Variants in DLG2 observed in about 807,000 individuals in gnomAD.
The protein encoded by DLG2 is discs large MAGUK scaffold protein 2.
DLG2 carries 45 observed loss-of-function variants against 132.5 expected under a neutral mutation model. That is an observed-to-expected ratio of 0.34 (90% confidence interval 0.27 to 0.44). The LOEUF (loss-of-function observed/expected upper bound fraction) is 0.44, where lower values mean the gene tolerates loss of function less well. Among genes scored for constraint, DLG2 ranks in the 20% least tolerant of loss-of-function variants. The pLI is 1.00. For missense variants in DLG2, 1,045 were observed against 1,196.9 expected (o/e 0.87, Z 1.87); for synonymous variants, 424 against 419.6 (o/e 1.01, Z -0.13).
In DLG2 at chr11:85,237,111, G is replaced by A. The variant is rs150186086; in HGVS notation, c.186+48109C>T. Among the ~76,000 whole-genome samples the A allele has an allele frequency of 1.4e-4, 21 of 152,086 alleles. 1 individual carries two copies. Among genetic ancestry groups the A allele is most frequent in the Middle Eastern group, 3.4e-3 (1 of 294 alleles). ...CTGCCCAGCCAGCACCTGAAAATAC[G>A]CCACTGATTAAGCGAATGTCACCTA... On this transcript the variant is annotated intron_variant, in intron 4 of 27. Coordinates refer to ENST00000376104, the MANE Select transcript of DLG2 (RefSeq NM_001142699.3).
At chr11:84,499,716 G>GTCTCTCTCTGTTTCTC (rs1244912854) in intron 7 of DLG2, among the ~76,000 whole-genome samples, 2 of 151,532 alleles carry the variant, frequency 1.3e-5, no homozygotes, top group Admixed American at 1.3e-4. Context: ...CTCTCTTTCT[G>GTCTCTCTCTGTTTCTC]TCTCTCTCTG....
At chr11:84,238,741 C>T (rs2097190834) in intron 8 of DLG2, among the ~76,000 whole-genome samples, 1 of 151,652 alleles carries the variant, frequency 6.6e-6, no homozygotes, top group African/African-American at 2.4e-5. Flanking sequence ...CTCTTTATTA[C>T]TCCAGTCTCA....
chr11:85,382,056 A>T (rs1247988188), intron 3 of DLG2, among the ~76,000 whole-genome samples: 1 of 152,158 alleles, frequency 6.6e-6, no homozygotes, highest in Non-Finnish European at 1.5e-5. Context: ...AATGCATGGG[A>T]CCCAGAATAA....
At chr11:84,512,611 T>C (rs530205776) in intron 7 of DLG2, among the ~76,000 whole-genome samples, 18 of 152,096 alleles carry the variant, frequency 1.2e-4, no homozygotes, top group African/African-American at 4.1e-4. Flanking sequence ...GACAGGATCC[T>C]GAAAGCAAAA....
intron 12 of DLG2, among the ~76,000 whole-genome samples, chr11:83,970,969 A>G (rs190353868): frequency 5.3e-5 from 8 of 152,320 alleles, no homozygotes. Flanking sequence ...GTTTTCCACA[A>G]AAGTGAGTTT....
intron 3 of DLG2, among the ~76,000 whole-genome samples, chr11:85,532,452 A>T (rs2075272612): frequency 6.6e-6 from 1 of 152,232 alleles, no homozygotes; most frequent in African/African-American, 2.4e-5. Flanking sequence ...ACTTCCTTGT[A>T]GAAATACTGA....
intron 7 of DLG2, among the ~76,000 whole-genome samples, chr11:84,414,966 C>T (rs1391839824): frequency 1.3e-5 from 2 of 151,980 alleles, no homozygotes; most frequent in Non-Finnish European, 2.9e-5. Flanking sequence ...ATTAATTGTC[C>T]CCACATTAAT....
In DLG2 at chr11:84,087,725, A is replaced by G. The variant is rs150211010; in HGVS notation, c.749+11198T>C. 3.3e-5 allele frequency among the ~76,000 whole-genome samples: 5 copies of G among 152,316 alleles called. No individual in the cohort carries two copies. The East Asian group carries it at 9.6e-4, about 29-fold the overall frequency. The stretch of plus-strand genomic sequence containing the variant: ...GATGGAAGTAAAGGTTGGATGGAGA[A>G]AAGGGTTATGAGCCAAGTGATTCAG... On this transcript the variant is annotated intron_variant, in intron 10 of 27. Coordinates refer to ENST00000376104, the MANE Select transcript of DLG2 (RefSeq NM_001142699.3).
intron 7 of DLG2, among the ~76,000 whole-genome samples, chr11:84,515,787 C>A (rs1371471541): frequency 6.6e-6 from 1 of 151,716 alleles, no homozygotes; most frequent in East Asian, 1.9e-4. Flanking sequence ...GGATATACAT[C>A]TTTTTTAAGT....
intron 16 of DLG2, among the ~76,000 whole-genome samples, chr11:83,865,961 T>TA (rs1941312910): frequency 6.6e-6 from 1 of 152,292 alleles, no homozygotes; most frequent in South Asian, 2.1e-4. Context: ...TAATGACCTT[T>TA]TCTTTGCCTA....
At chr11:84,006,021 G>A (rs1221588242) in intron 11 of DLG2, among the ~76,000 whole-genome samples, 1 of 151,738 alleles carries the variant, frequency 6.6e-6, no homozygotes, top group Admixed American at 6.6e-5. Context: ...ATAGATACTG[G>A]TACTCACATG....
intron 3 of DLG2, among the ~76,000 whole-genome samples, chr11:85,331,447 G>T (rs1157986456): frequency 1.3e-5 from 2 of 152,024 alleles, no homozygotes; most frequent in Non-Finnish European, 2.9e-5. Context: ...CCAAAAGCCT[G>T]GTTTTCTTTT....
chr11:84,308,648 G>A (rs569918470), intron 7 of DLG2, among the ~76,000 whole-genome samples: 4 of 152,180 alleles, frequency 2.6e-5, no homozygotes, highest in African/African-American at 7.2e-5. Context: ...CTCACGGAGT[G>A]GGGGAGGCTC....
chr11:83,688,655 A>G lies in DLG2; in HGVS notation c.1826-55330T>C, dbSNP rs183615927. On this transcript the variant is annotated intron_variant, in intron 18 of 27. Coordinates refer to ENST00000376104, the MANE Select transcript of DLG2 (RefSeq NM_001142699.3). ...TGTGCATACATATAAACATAAGTAT[A>G]TATAGAAATTAATATATATTGATGT... Among the ~76,000 whole-genome samples, 89 of 152,340 alleles carry G rather than the reference A, an allele frequency of 5.8e-4. 1 individual carries two copies. The East Asian group carries it at 0.011, about 19-fold the overall frequency.
At chr11:84,587,507 C>G (rs887507853) in intron 6 of DLG2, among the ~76,000 whole-genome samples, 5 of 152,074 alleles carry the variant, frequency 3.3e-5, no homozygotes, top group Admixed American at 2.6e-4. Context: ...TCTGTCATGA[C>G]TTTAATTTTT....
At chr11:83,527,439 A>G (rs1279356379) in intron 21 of DLG2, among the ~76,000 whole-genome samples, 1 of 152,150 alleles carries the variant, frequency 6.6e-6, no homozygotes, top group Non-Finnish European at 1.5e-5. Context: ...AGATGTATGT[A>G]TGCCGGGCAT....
intron 6 of DLG2, among the ~76,000 whole-genome samples, chr11:84,983,596 C>G (rs1442501615): frequency 1.3e-5 from 2 of 152,144 alleles, no homozygotes; most frequent in Admixed American, 6.5e-5. Flanking sequence ...TTCTTTAACA[C>G]TCCCCAAAAA....
intron 9 of DLG2, among the ~76,000 whole-genome samples, chr11:84,127,770 G>A (rs1240005205): frequency 6.6e-6 from 1 of 152,048 alleles, no homozygotes; most frequent in Non-Finnish European, 1.5e-5. Flanking sequence ...CTTCTTATGT[G>A]CGTATCTGTC....
intron 7 of DLG2, among the ~76,000 whole-genome samples, chr11:84,321,101 A>G (rs1331066002): frequency 6.6e-6 from 1 of 152,204 alleles, no homozygotes; most frequent in Non-Finnish European, 1.5e-5. Flanking sequence ...ATCCTTCAAG[A>G]TTAAACTAAT....
Sources: allele counts gnomAD v4.1 joint callset (sites outside exome capture counted in the v4.1 genomes callset), GRCh38; gene constraint gnomAD v4.1.1; transcripts MANE v1.5; gene names NCBI Gene and HGNC (gene_info 2026-07-23, HGNC 2026-07-21).